Variants in SORBS2 observed in about 807,000 individuals in gnomAD.
SORBS2 encodes the protein sorbin and SH3 domain containing 2.
In SORBS2, 46 loss-of-function variants were observed where a neutral mutation model predicts 97.7. That is an observed-to-expected ratio of 0.47 (90% CI 0.37 to 0.60). The LOEUF (loss-of-function observed/expected upper bound fraction) is 0.60, where lower values mean the gene tolerates loss of function less well. SORBS2 is among the 20% of genes least tolerant of loss of function. The probability of loss-of-function intolerance (pLI) is 0.00; values close to 1 mark genes in which losing one functional copy is unlikely to be tolerated. For missense variants in SORBS2, 1,316 were observed against 1,282.3 expected, an observed-to-expected ratio of 1.03 and a Z score of -0.40; for synonymous variants, 476 against 473.4, an observed-to-expected ratio of 1.01 and a Z score of -0.07.
chr4:185,629,212 C>T (rs1343069110), intron 5 of SORBS2, among the ~76,000 whole-genome samples: 2 of 152,132 alleles, frequency 1.3e-5, no homozygotes, highest in African/African-American at 2.4e-5. Flanking sequence ...GAGGATGCAT[C>T]TCCTAGACCT....
At chr4:185,858,478 C>T (rs2099221913) in intron 1 of SORBS2, among the ~76,000 whole-genome samples, 1 of 152,200 alleles carries the variant, frequency 6.6e-6, no homozygotes, top group Admixed American at 6.5e-5. Flanking sequence ...TCCCCTTTCT[C>T]CCTTATGCAG....
intron 7 of SORBS2, among the ~76,000 whole-genome samples, chr4:185,622,533 G>A (rs1254904341): frequency 1.3e-5 from 2 of 152,068 alleles, no homozygotes; most frequent in African/African-American, 4.8e-5. Flanking sequence ...AAGTTTTAAC[G>A]TTAATATAAA....
chr4:185,865,856 C>A (rs2099226586), intron 1 of SORBS2, among the ~76,000 whole-genome samples: 1 of 141,458 alleles, frequency 7.1e-6, no homozygotes, highest in Admixed American at 7.2e-5. Flanking sequence ...ATAAACATGC[C>A]TTTTAATTTA....
At chr4:185,600,451 G>T (rs1176655924) in intron 12 of SORBS2, among the ~76,000 whole-genome samples, 1 of 152,152 alleles carries the variant, frequency 6.6e-6, no homozygotes, top group Non-Finnish European at 1.5e-5. Context: ...CGATTCTCTT[G>T]TCTCAGCCTC....
chr4:185,641,853 T>C (rs892097898), intron 4 of SORBS2, among the ~76,000 whole-genome samples: 2 of 151,948 alleles, frequency 1.3e-5, no homozygotes, highest in Non-Finnish European at 2.9e-5. Context: ...AAGCTACAAC[T>C]ATAAATCACA....
At chr4:185,804,906 C>A (rs1452664909) in intron 1 of SORBS2, among the ~76,000 whole-genome samples, 1 of 151,960 alleles carries the variant, frequency 6.6e-6, no homozygotes, top group Non-Finnish European at 1.5e-5. Context: ...CAGACTGATA[C>A]CTCTTTCTGT....
chr4:185,681,457 G>C (rs565516060), intron 2 of SORBS2, among the ~76,000 whole-genome samples: 1 of 151,690 alleles, frequency 6.6e-6, no homozygotes, highest in East Asian at 1.9e-4. Flanking sequence ...GGGGAAAATG[G>C]ATTTCCCCAG....
chr4:185,649,156 G>C (rs2097266617), intron 3 of SORBS2, among the ~76,000 whole-genome samples: 1 of 152,116 alleles, frequency 6.6e-6, no homozygotes, highest in Non-Finnish European at 1.5e-5. Context: ...CCTGTAACCT[G>C]GTATGCCAAA....
Position 185,621,601 on chromosome 4 carries a change from T to C in SORBS2, c.2215+1313A>G, listed in dbSNP as rs2096721007. 2.0e-5 allele frequency among the ~76,000 whole-genome samples: 3 copies of C among 151,304 alleles called. No homozygotes were observed. In the South Asian group the frequency reaches 6.2e-4, roughly 31 times the overall value. On this transcript the variant is annotated intron_variant, in intron 7 of 14. Coordinates refer to ENST00000418609, the Ensembl canonical transcript of SORBS2. ...TTCTAATTTATTATTTTGAAGCATG[T>C]TGCTTCAGCCTAAGGGTAGGCAAAG...
intron 4 of SORBS2, among the ~76,000 whole-genome samples, chr4:185,663,283 C>T (rs2097547133): frequency 6.6e-6 from 1 of 152,194 alleles, no homozygotes; most frequent in African/African-American, 2.4e-5. Context: ...ACAAAACAAA[C>T]TTCTATTCCA....
chr4:185,680,361 T>C (rs762132451), intron 2 of SORBS2, among the ~76,000 whole-genome samples: 6 of 152,170 alleles, frequency 3.9e-5, no homozygotes, highest in Middle Eastern at 3.4e-3. Context: ...TAATCAGCTA[T>C]ATGATGAAGA....
intron 12 of SORBS2, among the ~76,000 whole-genome samples, chr4:185,597,137 CT>C (rs1357618140): frequency 6.6e-6 from 1 of 152,178 alleles, no homozygotes; most frequent in Admixed American, 6.5e-5. Flanking sequence ...AGGCATTTGA[CT>C]AGTAGGGAAT....
At chr4:185,618,327 C>T (rs1422554332) in intron 9 of SORBS2, among the ~76,000 whole-genome samples, 1 of 152,174 alleles carries the variant, frequency 6.6e-6, no homozygotes, top group Non-Finnish European at 1.5e-5. Flanking sequence ...ACAAATATTC[C>T]TAAATTCTTT....
At chr4:185,920,796 G>A (rs1050329515) in intron 1 of SORBS2, among the ~76,000 whole-genome samples, 2 of 152,168 alleles carry the variant, frequency 1.3e-5, no homozygotes, top group Admixed American at 1.3e-4. Flanking sequence ...AAGGAAAAGT[G>A]AAAGAAAAAG....
chr4:185,806,141 C>T (rs2099152514), intron 1 of SORBS2, among the ~76,000 whole-genome samples: 1 of 152,228 alleles, frequency 6.6e-6, no homozygotes, highest in Admixed American at 6.5e-5. Flanking sequence ...CAGCCGAAGG[C>T]TTAATGAAGC....
At chr4:185,632,917 A>G (rs2096931302) in intron 4 of SORBS2, among the ~76,000 whole-genome samples, 1 of 152,196 alleles carries the variant, frequency 6.6e-6, no homozygotes, top group Non-Finnish European at 1.5e-5. Context: ...AGAGTAAAAA[A>G]TCTAGATTGA....
intron 2 of SORBS2, among the ~76,000 whole-genome samples, chr4:185,696,251 G>A (rs548514488): frequency 6.6e-6 from 1 of 152,240 alleles, no homozygotes; most frequent in African/African-American, 2.4e-5. Flanking sequence ...GTCTTCCAAG[G>A]AAACTAGCAA....
At chr4:185,827,926 CCAT>C (rs1382486376) in intron 1 of SORBS2, among the ~76,000 whole-genome samples, 23 of 137,412 alleles carry the variant, frequency 1.7e-4, no homozygotes, top group Non-Finnish European at 3.1e-4. Flanking sequence ...ATCATCATCA[CCAT>C]CATCACCATC....
chr4:185,650,605 G>A (rs549048462), intron 2 of SORBS2, among the ~76,000 whole-genome samples: 42 of 152,272 alleles, frequency 2.8e-4, no homozygotes, highest in Non-Finnish European at 1.3e-4. Context: ...AAATTTTCCT[G>A]CACCCAATCA....
Sources: gnomAD v4.1 joint callset for allele counts (sites outside exome capture counted in the v4.1 genomes callset) on GRCh38, gnomAD v4.1.1 for gene constraint, MANE v1.5 for transcripts, NCBI Gene and HGNC (gene_info 2026-07-23, HGNC 2026-07-21) for gene names.